INSL6: variants seen among roughly 807,000 people sequenced by gnomAD.
INSL6 encodes the protein insulin-like peptide INSL6.
INSL6 carries 16 observed loss-of-function variants against 9.4 expected under a neutral mutation model. The observed-to-expected ratio is 1.70, with a 90% CI of 1.15 to 2.59. INSL6 has a LOEUF of 2.59. INSL6 is among the 30% of genes most tolerant of loss of function. The pLI, the probability that INSL6 is intolerant of heterozygous loss-of-function variation, is 0.00. For synonymous variants in INSL6, 154 were observed against 96.9 expected (o/e 1.59, Z -3.46); for missense variants, 391 against 257.3 (o/e 1.52, Z -3.56).
At chr9:5,029,792 C>T in the INSL6 span, 1 of 1,609,606 alleles carries the variant, frequency 6.2e-7, no homozygotes, top group Non-Finnish European at 8.5e-7. Flanking sequence ...GGTATCACAC[C>T]TGTGTATCAT....
the INSL6 span, among the ~76,000 whole-genome samples, chr9:5,093,428 G>A: frequency 6.6e-6 from 1 of 152,148 alleles, no homozygotes; most frequent in Non-Finnish European, 1.5e-5. Context: ...ATGGCCACAT[G>A]AGGGTTCAGC....
the INSL6 span, among the ~76,000 whole-genome samples, chr9:5,024,205 G>T: frequency 1.3e-5 from 2 of 152,082 alleles, no homozygotes; most frequent in Non-Finnish European, 2.9e-5. Flanking sequence ...GCAGTGAGCC[G>T]AGATTGCGCC....
At chr9:5,044,635 A>G in the INSL6 span, 1 of 602,474 alleles carries the variant, frequency 1.7e-6, no homozygotes, top group Non-Finnish European at 2.8e-6. Context: ...TCTGTCTTGC[A>G]CAGCAGGTGC....
the INSL6 span, among the ~76,000 whole-genome samples, chr9:5,031,604 G>A: frequency 2.6e-5 from 4 of 152,144 alleles, no homozygotes; most frequent in African/African-American, 9.6e-5. Context: ...AAATAGAAAT[G>A]TAAAGAAAAT....
At chr9:5,144,228 A>G (rs926673732) in intron 2 of INSL6, among the ~76,000 whole-genome samples, 1 of 152,210 alleles carries the variant, frequency 6.6e-6, no homozygotes, top group African/African-American at 2.4e-5. Flanking sequence ...GTTGCAAAGA[A>G]TGTCCTGATT....
At chr9:5,008,577 A>G in the INSL6 span, among the ~76,000 whole-genome samples, 1 of 152,206 alleles carries the variant, frequency 6.6e-6, no homozygotes, top group African/African-American at 2.4e-5. Context: ...ACCAATCTGA[A>G]TGCATGTGTT....
At chr9:5,035,246 T>C in the INSL6 span, among the ~76,000 whole-genome samples, 32 of 152,222 alleles carry the variant, frequency 2.1e-4, 1 homozygote, top group East Asian at 5.2e-3. Flanking sequence ...AATTAATAGT[T>C]TACCAACCAA....
At chr9:5,077,514 A>T in the INSL6 span, 49 of 1,458,968 alleles carry the variant, frequency 3.4e-5, no homozygotes, top group Non-Finnish European at 4.5e-5. Flanking sequence ...AAAAGAATAA[A>T]AATTGTATAA....
At chr9:5,149,920 T>G (rs10815166) in intron 2 of INSL6, among the ~76,000 whole-genome samples, 54,906 of 151,978 alleles carry the variant, frequency 0.36, 10,758 homozygotes, top group African/African-American at 0.53. Flanking sequence ...CAGAACATAA[T>G]AGAGAACCCT....
At chr9:5,116,651 TAA>T in the INSL6 span, among the ~76,000 whole-genome samples, 1 of 152,202 alleles carries the variant, frequency 6.6e-6, no homozygotes, top group Non-Finnish European at 1.5e-5. Context: ...AAATATTTAT[TAA>T]GACTCTACTG....
chr9:5,088,540 T>C, the INSL6 span, among the ~76,000 whole-genome samples: 1 of 110,374 alleles, frequency 9.1e-6, no homozygotes, highest in African/African-American at 3.3e-5. Flanking sequence ...TAAAGACATC[T>C]TCAAAAAAAA....
the INSL6 span, among the ~76,000 whole-genome samples, chr9:5,072,147 T>C: frequency 1.3e-5 from 2 of 152,192 alleles, no homozygotes; most frequent in Admixed American, 1.3e-4. Context: ...CCACATTCTC[T>C]AGTGTGCTAG....
the INSL6 span, among the ~76,000 whole-genome samples, chr9:5,042,617 C>A: frequency 8.2e-6 from 1 of 121,930 alleles, no homozygotes; most frequent in African/African-American, 3.8e-5. Context: ...CCAGCTGCCC[C>A]CGTTAGCGTC....
chr9:5,159,136 C>T (rs530097963), downstream of INSL6, among the ~76,000 whole-genome samples: 5 of 151,940 alleles, frequency 3.3e-5, no homozygotes, highest in African/African-American at 1.2e-4. Context: ...TAAAAACATA[C>T]AACAGATACA....
chr9:5,041,923 A>T, the INSL6 span: 92 of 392,762 alleles, frequency 2.3e-4, 2 homozygotes, highest in Middle Eastern at 2.9e-3. Context: ...CGATGAAACG[A>T]AATGCTGCTG....
chr9:5,154,655 C>G (rs927912226), intron 2 of INSL6, among the ~76,000 whole-genome samples: 1 of 152,028 alleles, frequency 6.6e-6, no homozygotes, highest in African/African-American at 2.4e-5. Flanking sequence ...CCATCAACAA[C>G]TGGACGAAGG....
At chr9:5,173,560 G>A (rs1299055041) in intron 1 of INSL6, among the ~76,000 whole-genome samples, 4 of 152,020 alleles carry the variant, frequency 2.6e-5, no homozygotes, top group African/African-American at 9.7e-5. Context: ...GCTGAACAAT[G>A]AGATCACGTG....
At chr9:5,112,720 G>A in the INSL6 span, 3 of 802,148 alleles carry the variant, frequency 3.7e-6, no homozygotes, top group Non-Finnish European at 3.7e-6. Context: ...AGCGGAACCT[G>A]AATCCCAAAA....
chr9:5,070,319 C>T, the INSL6 span, among the ~76,000 whole-genome samples: 543 of 152,028 alleles, frequency 3.6e-3, 9 homozygotes, highest in East Asian at 0.029. Flanking sequence ...AATTAAAAAT[C>T]TACAAAGACC....
Sources: allele counts gnomAD v4.1 joint callset (sites outside exome capture counted in the v4.1 genomes callset), GRCh38; gene constraint gnomAD v4.1.1; transcripts MANE v1.5; gene names NCBI Gene and HGNC (gene_info 2026-07-23, HGNC 2026-07-21).